TLN2: variants seen among roughly 807,000 people sequenced by gnomAD.
The protein encoded by TLN2 is talin 2.
Under a neutral mutation model 294.7 loss-of-function variants are expected in TLN2, and 118 were observed. That is an observed-to-expected ratio of 0.40 (90% CI 0.34 to 0.47). The LOEUF (loss-of-function observed/expected upper bound fraction) is 0.47, where lower values mean the gene tolerates loss of function less well. Ranked by LOEUF, TLN2 falls within the 20% of genes least tolerant of loss-of-function variation. TLN2 has a pLI of 0.84. For synonymous variants in TLN2, 1,431 were observed against 1,304.5 expected, an observed-to-expected ratio of 1.10 and a Z score of -2.09; for missense variants, 3,083 against 3,282.2, an observed-to-expected ratio of 0.94 and a Z score of 1.48.
intron 1 of TLN2, among the ~76,000 whole-genome samples, chr15:62,404,353 G>T (rs768577420): frequency 1.2e-4 from 19 of 152,132 alleles, no homozygotes; most frequent in Non-Finnish European, 2.6e-4. Flanking sequence ...GATGATAAAT[G>T]GACTTGTCTG....
intron 23 of TLN2, among the ~76,000 whole-genome samples, chr15:62,716,684 T>C (rs945919806): frequency 3.9e-5 from 6 of 152,214 alleles, no homozygotes; most frequent in Non-Finnish European, 7.3e-5. Context: ...TTAGACTCTT[T>C]TCAGGAGGAA....
At chr15:62,663,793 A>G (rs971592469) in intron 9 of TLN2, among the ~76,000 whole-genome samples, 3 of 152,036 alleles carry the variant, frequency 2.0e-5, no homozygotes, top group Non-Finnish European at 2.9e-5. Context: ...AGTAAATGCT[A>G]TGTTATTGCT....
At chr15:62,412,942 C>G (rs2471032) in intron 1 of TLN2, among the ~76,000 whole-genome samples, 27,129 of 152,156 alleles carry the variant, frequency 0.18, 3,372 homozygotes, top group East Asian at 0.63. Context: ...CCTGGGGGCT[C>G]TTTCTCATCA....
At chr15:62,434,284 T>G (rs2035174672) in intron 1 of TLN2, among the ~76,000 whole-genome samples, 1 of 152,192 alleles carries the variant, frequency 6.6e-6, no homozygotes. Flanking sequence ...ATATAAGGTG[T>G]GTGTACTTAA....
At chr15:62,686,577 A>G in intron 11 of TLN2, 64 bp from the exon 12 acceptor site, 1 of 1,537,714 alleles carries the variant, frequency 6.5e-7, no homozygotes, top group Non-Finnish European at 8.8e-7. Flanking sequence ...AAAATCACTG[A>G]TTCCCTGGCA....
intron 38 of TLN2, 46 bp downstream of exon 38, chr15:62,761,867 T>G: frequency 6.2e-7 from 1 of 1,608,356 alleles, no homozygotes; most frequent in Non-Finnish European, 8.5e-7. Context: ...TTTGGCTAAC[T>G]TTGTGTGGCA....
intron 28 of TLN2, among the ~76,000 whole-genome samples, chr15:62,733,509 T>C (rs530232553): frequency 1.3e-5 from 2 of 152,336 alleles, no homozygotes; most frequent in South Asian, 4.1e-4. Flanking sequence ...CTTCAAAATA[T>C]ATTTCTGTAT....
At chr15:62,796,102 C>G (rs1347851187) in intron 46 of TLN2, 25 bp from the exon 47 acceptor site, 6 of 1,609,990 alleles carry the variant, frequency 3.7e-6, no homozygotes, top group Admixed American at 1.7e-5. Context: ...TCTTAGCTCC[C>G]CTCACATTCC....
At chr15:62,747,104 A>G (rs947044385) in intron 32 of TLN2, among the ~76,000 whole-genome samples, 2 of 152,216 alleles carry the variant, frequency 1.3e-5, no homozygotes, top group African/African-American at 4.8e-5. Flanking sequence ...ACTATGAGCT[A>G]TATCTTATAC....
intron 1 of TLN2, among the ~76,000 whole-genome samples, chr15:62,413,225 G>C (rs2033876774): frequency 6.6e-6 from 1 of 152,186 alleles, no homozygotes; most frequent in Non-Finnish European, 1.5e-5. Context: ...CCCTCATGAG[G>C]TTAGTGCCCT....
chr15:62,786,608 A>G lies in TLN2; in HGVS notation c.5736+2718A>G, dbSNP rs182873246. 1.7e-3 allele frequency among the ~76,000 whole-genome samples: 266 copies of G among 152,330 alleles called. 1 individual carries two copies. Among genetic ancestry groups the G allele is most frequent in the African/African-American group, 6.1e-3 (255 of 41,570 alleles). ...AGCGACAACAGCTTTGTCTCTGAGG[A>G]AAATGTGCAGTAACCACTTGAAATA... On this transcript the variant is annotated intron_variant, in intron 45 of 58. Coordinates refer to ENST00000636159, the MANE Select transcript of TLN2 (RefSeq NM_015059.3).
intron 32 of TLN2, among the ~76,000 whole-genome samples, chr15:62,743,871 C>A (rs1207737656): frequency 6.6e-6 from 1 of 152,128 alleles, no homozygotes; most frequent in Non-Finnish European, 1.5e-5. Flanking sequence ...GCTTTCCAGT[C>A]CACAGAGGAT....
At chr15:62,447,588 G>A (rs1318922540) in intron 1 of TLN2, among the ~76,000 whole-genome samples, 1 of 151,720 alleles carries the variant, frequency 6.6e-6, no homozygotes, top group East Asian at 1.9e-4. Flanking sequence ...CCGCCTCCTG[G>A]GTTCACGCCA....
Position 62,776,747 on chromosome 15 carries a change from C to T in TLN2, c.5368-17C>T. ...CTCTCTTCTGCTTAAGGAAATGTTT[C>T]ACAATTCCCTTCTCAGGCACAACAC... is the stretch of plus-strand genomic sequence containing the variant. On this transcript the variant is annotated splice_polypyrimidine_tract_variant and intron_variant, in intron 42 of 58. Transcript: ENST00000636159. The T allele has an allele frequency of 6.7e-7, 1 of 1,491,278 alleles. No individual in the cohort carries two copies. The highest frequency in any genetic ancestry group is 9.0e-7 in the Non-Finnish European group (1 of 1,112,872). 92.4% of individuals were successfully genotyped at this position (1,491,278 alleles called of 1,614,324 possible). A position where few individuals can be genotyped will look rare whatever the true frequency, so the allele number is the denominator to read the frequency against.
chr15:62,639,337 G>A (rs2050741165), intron 3 of TLN2, among the ~76,000 whole-genome samples: 1 of 152,112 alleles, frequency 6.6e-6, no homozygotes, highest in Non-Finnish European at 1.5e-5. Flanking sequence ...GGATATATGG[G>A]GTTTGCACAG....
chr15:62,762,062 A>G (rs987264919), intron 38 of TLN2, among the ~76,000 whole-genome samples: 3 of 152,194 alleles, frequency 2.0e-5, no homozygotes, highest in African/African-American at 7.2e-5. Context: ...GGGATGTGTC[A>G]CACTCAAAAA....
chr15:62,627,657 T>G (rs1328063340), intron 3 of TLN2, among the ~76,000 whole-genome samples: 1 of 152,226 alleles, frequency 6.6e-6, no homozygotes, highest in East Asian at 1.9e-4. Context: ...TTTTTTCTCT[T>G]AGCCATACTA....
chr15:62,832,773 G>C (rs1464619628), intron 54 of TLN2: 2 of 151,806 alleles, frequency 1.3e-5, no homozygotes, highest in Admixed American at 6.6e-5. Context: ...AGAAATGCCA[G>C]TGCTGTTTGG....
At chr15:62,820,631 G>A in intron 54 of TLN2, 21 bp downstream of exon 54, 4 of 1,609,082 alleles carry the variant, frequency 2.5e-6, no homozygotes, top group Non-Finnish European at 3.4e-6. Context: ...ATTTATGGTT[G>A]GCTGTCCGAT....
Sources: gnomAD v4.1 joint callset for allele counts (sites outside exome capture counted in the v4.1 genomes callset) on GRCh38, gnomAD v4.1.1 for gene constraint, MANE v1.5 for transcripts, NCBI Gene and HGNC (gene_info 2026-07-23, HGNC 2026-07-21) for gene names.